The following SMARCA4 variants were observed in gnomAD, a reference collection of about 807,000 sequenced individuals.
The protein encoded by SMARCA4 is SWI/SNF-related matrix-associated actin-dependent regulator of chromatin subfamily A member 4.
Under a neutral mutation model 193.9 loss-of-function variants are expected in SMARCA4, and 31 were observed. The observed-to-expected ratio is 0.16, with a 90% CI of 0.12 to 0.22. The LOEUF is 0.22. SMARCA4 is among the 10% of genes least tolerant of loss of function. The pLI is 1.00. For synonymous variants in SMARCA4, 942 were observed against 933.1 expected, an observed-to-expected ratio of 1.01 and a Z score of -0.17; for missense variants, 1,148 against 2,296.0, an observed-to-expected ratio of 0.50 and a Z score of 10.22.
chr19:10,998,356 A>G (rs997911680), intron 11 of SMARCA4, among the ~76,000 whole-genome samples: 3 of 152,042 alleles, frequency 2.0e-5, no homozygotes, highest in Non-Finnish European at 2.9e-5. Context: ...GTCACTGGTG[A>G]TGCTGACTTT....
chr19:11,047,257 G>A (rs890152356), intron 30 of SMARCA4, among the ~76,000 whole-genome samples: 7 of 152,212 alleles, frequency 4.6e-5, no homozygotes, highest in Non-Finnish European at 5.9e-5. Flanking sequence ...GGCCTCTTGG[G>A]GGCCAAGGTG....
intron 1 of SMARCA4, among the ~76,000 whole-genome samples, chr19:10,972,502 T>C (rs2084756441): frequency 6.6e-6 from 1 of 152,132 alleles, no homozygotes; most frequent in South Asian, 2.1e-4. Flanking sequence ...CAGGTAGGAA[T>C]TGTGTTGTTC....
chr19:10,978,048 C>T (rs145383196), intron 1 of SMARCA4, among the ~76,000 whole-genome samples: 1,910 of 152,250 alleles, frequency 0.013, 13 homozygotes, highest in Non-Finnish European at 0.019. Context: ...GGGCCCAGTG[C>T]GGGGAGTCTC....
chr19:10,980,695 G>A (rs1055686810), intron 1 of SMARCA4: 2 of 151,952 alleles, frequency 1.3e-5, no homozygotes, highest in African/African-American at 4.8e-5. Context: ...GTGTATGCTC[G>A]TTGGCTTGTC....
chr19:10,969,738 A>G (rs2084528630), intron 1 of SMARCA4, among the ~76,000 whole-genome samples: 1 of 151,856 alleles, frequency 6.6e-6, no homozygotes. Flanking sequence ...CCCCCTTTTT[A>G]TGTTTCTAAC....
intron 1 of SMARCA4, among the ~76,000 whole-genome samples, chr19:10,971,659 G>A (rs1338836738): frequency 6.6e-6 from 1 of 151,968 alleles, no homozygotes; most frequent in Non-Finnish European, 1.5e-5. Flanking sequence ...GTAGAGACGA[G>A]GTTTCACCGT....
chr19:10,992,984 CTTTTTTTTT>C (rs758452838), intron 8 of SMARCA4, among the ~76,000 whole-genome samples: 2 of 109,356 alleles, frequency 1.8e-5, no homozygotes, highest in African/African-American at 7.0e-5. Flanking sequence ...TAAAACTTTG[CTTTTTTTTT>C]TTTTTTTTTT....
At chr19:11,023,435 C>A in intron 19 of SMARCA4, 83 bp from the exon 20 acceptor site, 1 of 883,222 alleles carries the variant, frequency 1.1e-6, no homozygotes, top group South Asian at 1.4e-5. Flanking sequence ...TCCACCCTGT[C>A]CCCACATCCG....
rs770662764 is a variant in SMARCA4 at position 10,990,825 on chromosome 19, T to G, written c.1246-325T>G. On this transcript the variant is annotated intron_variant, in intron 7 of 34. Transcript: ENST00000344626. ...CCTCCCACCTTGGCCTCCCAAAGTG[T>G]TGGGATTACTGGCGTTAAGCCACCA... Among the ~76,000 whole-genome samples the G allele has an allele frequency of 2.8e-4, 43 of 152,152 alleles. 1 individual carries two copies. Among genetic ancestry groups the G allele is most frequent in the Admixed American group, 2.0e-4 (3 of 15,276 alleles).
At chr19:10,962,443 C>T (rs956144820) in intron 1 of SMARCA4, among the ~76,000 whole-genome samples, 10 of 152,070 alleles carry the variant, frequency 6.6e-5, no homozygotes, top group African/African-American at 2.4e-4. Context: ...TCTGAACCTG[C>T]ACTGTGAGAG....
chr19:10,985,450 G>A lies in SMARCA4; in HGVS notation c.355+45G>A, dbSNP rs2145755074. On this transcript the variant is annotated intron_variant, in intron 3 of 34. Coordinates refer to ENST00000344626, the MANE Select transcript of SMARCA4 (RefSeq NM_003072.5). This position sits in a 1 kb window ranked among gnomAD's most constrained non-coding sequence, Gnocchi z 4.5. ...CCTGCCTTGTGTTTGTCATACTCCA[G>A]AGTCCTCAGATCATTTTCCTCCCCT... is the stretch of plus-strand genomic sequence containing the variant. The A allele has an allele frequency of 6.2e-7, 1 of 1,607,998 alleles. No individual in the cohort carries two copies.
chr19:11,028,793 T>A (rs1298715630), intron 24 of SMARCA4, among the ~76,000 whole-genome samples: 2 of 152,292 alleles, frequency 1.3e-5, no homozygotes, highest in East Asian at 3.9e-4. Context: ...AGTGAGTTCT[T>A]CGTGGGAGTT....
chr19:11,020,874 C>G (rs1474184079), intron 18 of SMARCA4: 1 of 151,948 alleles, frequency 6.6e-6, no homozygotes, highest in Non-Finnish European at 1.5e-5. Context: ...AGTCTCACAG[C>G]TGTCACCCAG....
intron 34 of SMARCA4, among the ~76,000 whole-genome samples, chr19:11,061,188 T>TTAAAAAAAA (rs1178420558): frequency 2.9e-5 from 2 of 68,876 alleles, no homozygotes; most frequent in South Asian, 5.4e-4. Flanking sequence ...ACCCTGTCTT[T>TTAAAAAAAA]AAAAAAAAAA....
intron 34 of SMARCA4, among the ~76,000 whole-genome samples, chr19:11,061,136 C>T (rs2076836525): frequency 2.1e-5 from 3 of 144,008 alleles, no homozygotes; most frequent in South Asian, 2.2e-4. Flanking sequence ...TGCAGTGAGC[C>T]GTGATAGCAC....
In SMARCA4 at chr19:10,987,760, C is replaced by G. The variant is rs1060504436; in HGVS notation, c.954C>G (p.Val318=). The G allele has an allele frequency of 6.3e-6, 10 of 1,599,984 alleles. No homozygotes were observed. In the African/African-American group the frequency reaches 1.3e-4, roughly 21 times the overall value. Reference sequence around the variant, plus strand: ...GCCCTTCCCCCGCGCCCCCTGCCGTCCCACCCGCCGCCTCGCCCGTGATGC... The same window carrying G: ...GCCCTTCCCCCGCGCCCCCTGCCGTGCCACCCGCCGCCTCGCCCGTGATGC... The part of the protein sequence containing the change: ...TGRPSPAPPA[V]PPAASPVMPP... Residue 318 remains valine, a synonymous_variant, in exon 6 of 35, where the codon GTC becomes GTG. Transcript: ENST00000344626. The surrounding 1 kb of genome is among the most constrained non-coding windows in gnomAD (Gnocchi z 5.3).
chr19:10,989,203 TTGCCTCATGACTAG>T (rs1475060574), intron 6 of SMARCA4, 100 bp from the exon 7 acceptor site: 1 of 1,317,458 alleles, frequency 7.6e-7, no homozygotes, highest in Non-Finnish European at 1.1e-6. Context: ...GAGGCATCTC[TTGCCTCATGACTAG>T]TGCCTGCCTC....
rs375444418 is a variant in SMARCA4 at position 11,030,830 on chromosome 19, C to T, written c.3483C>T (p.Leu1161=). 2.5e-5 allele frequency: 41 copies of T among 1,608,242 alleles called. No individual in the cohort carries two copies. The highest frequency in any genetic ancestry group is 2.5e-4 in the East Asian group (11 of 44,706). ...TGCTCAGCACCCGGGCTGGGGGGCT[C>T]GGCCTGAACCTCCAGTCGGCAGACA... ...IFLLSTRAGG[L]GLNLQSADTV... Residue 1161 remains leucine, a synonymous_variant, in exon 25 of 35, where the codon CTC becomes CTT. Coordinates refer to ENST00000344626, the MANE Select transcript of SMARCA4 (RefSeq NM_003072.5). This position sits in a 1 kb window ranked among gnomAD's most constrained non-coding sequence, Gnocchi z 5.5.
At chr19:11,007,372 C>T (rs890120361) in intron 13 of SMARCA4, among the ~76,000 whole-genome samples, 5 of 148,716 alleles carry the variant, frequency 3.4e-5, no homozygotes, top group South Asian at 2.1e-4. Flanking sequence ...GGAGGTTGCA[C>T]TGCGCCGAGA....
Sources: allele counts gnomAD v4.1 joint callset (sites outside exome capture counted in the v4.1 genomes callset), GRCh38; gene constraint gnomAD v4.1.1; non-coding constraint Gnocchi (gnomAD v3.1); transcripts MANE v1.5; gene names NCBI Gene and HGNC (gene_info 2026-07-23, HGNC 2026-07-21).